SNX18: variants seen among roughly 807,000 people sequenced by gnomAD.
SNX18 encodes the protein sorting nexin 18.
Under a neutral mutation model 48.7 loss-of-function variants are expected in SNX18, and 35 were observed. That is an observed-to-expected ratio of 0.72 (90% confidence interval 0.55 to 0.95). The LOEUF (loss-of-function observed/expected upper bound fraction) is 0.95. Ranked by LOEUF, SNX18 falls within the 40% of genes least tolerant of loss-of-function variation. The pLI is 0.00. For synonymous variants in SNX18, 492 were observed against 384.7 expected, an observed-to-expected ratio of 1.28 and a Z score of -3.26; for missense variants, 824 against 871.0, an observed-to-expected ratio of 0.95 and a Z score of 0.68.
At chr5:54,637,878 G>C in the SNX18 span, among the ~76,000 whole-genome samples, 11 of 152,274 alleles carry the variant, frequency 7.2e-5, 1 homozygote, top group South Asian at 2.3e-3. Flanking sequence ...GAGTAGAGAG[G>C]CTTGTTCCAA....
the SNX18 span, among the ~76,000 whole-genome samples, chr5:54,569,098 C>T: frequency 6.6e-6 from 1 of 152,028 alleles, no homozygotes; most frequent in Non-Finnish European, 1.5e-5. Flanking sequence ...CCACCTTAGC[C>T]TCCCAAAGTG....
chr5:54,597,881 C>A, the SNX18 span, among the ~76,000 whole-genome samples: 3 of 151,786 alleles, frequency 2.0e-5, no homozygotes, highest in Non-Finnish European at 4.4e-5. Context: ...CAAGAAATAA[C>A]CAAGATCAGA....
intron 1 of SNX18, among the ~76,000 whole-genome samples, chr5:54,533,909 G>A (rs568976003): frequency 8.8e-4 from 134 of 152,266 alleles, no homozygotes; most frequent in African/African-American, 3.2e-3. Context: ...GGAAGGAAAG[G>A]GGAGGGGAAG....
At chr5:54,602,372 CT>C in the SNX18 span, among the ~76,000 whole-genome samples, 1 of 152,156 alleles carries the variant, frequency 6.6e-6, no homozygotes, top group Non-Finnish European at 1.5e-5. Flanking sequence ...GTCTAGCAGG[CT>C]TTTGGAGCCT....
chr5:54,528,705 A>G (rs1762192759), intron 1 of SNX18, among the ~76,000 whole-genome samples: 1 of 152,208 alleles, frequency 6.6e-6, no homozygotes, highest in East Asian at 1.9e-4. Flanking sequence ...GTGAAGTAGG[A>G]CAGAAGGAGG....
the SNX18 span, among the ~76,000 whole-genome samples, chr5:54,609,844 G>A: frequency 2.5e-4 from 38 of 152,226 alleles, no homozygotes; most frequent in Admixed American, 9.8e-4. Flanking sequence ...GAGGTGGAGC[G>A]TGGTGGGAGG....
At chr5:54,551,336 A>G (rs1294102926), downstream of SNX18, among the ~76,000 whole-genome samples, 1 of 152,182 alleles carries the variant, frequency 6.6e-6, no homozygotes, top group Admixed American at 6.5e-5. Flanking sequence ...GTTGTTTTAT[A>G]TGGTACCGGG....
chr5:54,629,409 T>C, the SNX18 span, among the ~76,000 whole-genome samples: 1 of 152,240 alleles, frequency 6.6e-6, no homozygotes, highest in Non-Finnish European at 1.5e-5. Flanking sequence ...CACATTTCAG[T>C]TTCCACTTTT....
At chr5:54,619,593 A>G in the SNX18 span, among the ~76,000 whole-genome samples, 1 of 152,292 alleles carries the variant, frequency 6.6e-6, no homozygotes, top group South Asian at 2.1e-4. Flanking sequence ...TGAATACACT[A>G]TCTATGATTC....
the SNX18 span, among the ~76,000 whole-genome samples, chr5:54,571,638 G>A: frequency 3.5e-3 from 535 of 152,242 alleles, 4 homozygotes; most frequent in African/African-American, 0.012. Flanking sequence ...CTTGGGAAAC[G>A]CCCTTGCAAG....
the SNX18 span, among the ~76,000 whole-genome samples, chr5:54,613,893 C>T: frequency 6.6e-6 from 1 of 152,122 alleles, no homozygotes; most frequent in East Asian, 1.9e-4. Context: ...TGGGGTTTCT[C>T]CATGTTGGTC....
chr5:54,624,596 CA>C, the SNX18 span, among the ~76,000 whole-genome samples: 1 of 152,186 alleles, frequency 6.6e-6, no homozygotes, highest in South Asian at 2.1e-4. Context: ...AGATTTTAAT[CA>C]AGACTGCAAA....
the SNX18 span, among the ~76,000 whole-genome samples, chr5:54,597,020 C>T: frequency 6.6e-6 from 1 of 152,090 alleles, no homozygotes; most frequent in Non-Finnish European, 1.5e-5. Context: ...ATCTCACATG[C>T]AAGGGCACAC....
chr5:54,588,747 A>G, the SNX18 span, among the ~76,000 whole-genome samples: 1 of 152,170 alleles, frequency 6.6e-6, no homozygotes, highest in Non-Finnish European at 1.5e-5. Context: ...ATTTACTTGC[A>G]TTTTATCAGA....
intron 1 of SNX18, among the ~76,000 whole-genome samples, chr5:54,534,660 A>G (rs1026876486): frequency 6.8e-6 from 1 of 147,522 alleles, no homozygotes; most frequent in Non-Finnish European, 1.5e-5. Flanking sequence ...ACAGCGTATG[A>G]GGATTTGCTT....
Position 54,518,072 on chromosome 5 carries a change from G to A in SNX18, c.120G>A (p.Glu40=), listed in dbSNP as rs112026794. Residue 40 remains glutamate, a synonymous_variant, in exon 1 of 2, where the codon GAG becomes GAA. Transcript: ENST00000381410. ...AGCAGGACATCGAGGGCTGGCTCGA[G>A]GGGGTCAACAGCCGCGGCGACCGCG... ...CSEQDIEGWL[E]GVNSRGDRGL... 4.0e-5 allele frequency: 62 copies of A among 1,543,120 alleles called. No individual in the cohort carries two copies. Among genetic ancestry groups the A allele is most frequent in the Middle Eastern group, 1.7e-4 (1 of 5,886 alleles).
At chr5:54,624,029 A>G in the SNX18 span, among the ~76,000 whole-genome samples, 1 of 152,214 alleles carries the variant, frequency 6.6e-6, no homozygotes, top group Admixed American at 6.5e-5. Flanking sequence ...AACAATCTCA[A>G]GGTTTATGGA....
At chr5:54,553,400 A>T in the SNX18 span, among the ~76,000 whole-genome samples, 7 of 151,980 alleles carry the variant, frequency 4.6e-5, no homozygotes, top group Admixed American at 4.6e-4. Flanking sequence ...CAGGTCGGGG[A>T]GCTGATGGCC....
At chr5:54,599,640 A>G in the SNX18 span, among the ~76,000 whole-genome samples, 1 of 152,224 alleles carries the variant, frequency 6.6e-6, no homozygotes, top group Admixed American at 6.5e-5. Flanking sequence ...AAACAGACAC[A>G]TAGACCAATG....
Sources: allele counts gnomAD v4.1 joint callset (sites outside exome capture counted in the v4.1 genomes callset), GRCh38; gene constraint gnomAD v4.1.1; transcripts MANE v1.5; gene names NCBI Gene and HGNC (gene_info 2026-07-23, HGNC 2026-07-21).